Variants in KSR1 observed in about 807,000 individuals in gnomAD.
The protein encoded by KSR1 is kinase suppressor of ras 1.
In KSR1, 35 loss-of-function variants were observed where a neutral mutation model predicts 92.9. That is an observed-to-expected ratio of 0.38 (90% CI 0.29 to 0.50). KSR1 has a LOEUF of 0.50. Ranked by LOEUF, KSR1 falls within the 20% of genes least tolerant of loss-of-function variation. The pLI, the probability that KSR1 is intolerant of heterozygous loss-of-function variation, is 0.94. For synonymous variants in KSR1, 467 were observed against 472.6 expected (o/e 0.99, Z 0.15); for missense variants, 972 against 1,158.5 (o/e 0.84, Z 2.34).
Position 27,508,709 on chromosome 17 carries a change from T to TTTTTTTTTA in KSR1, c.232-41856_232-41855insTTTTTATTT, listed in dbSNP as rs1555572323. 3.2e-4 allele frequency among the ~76,000 whole-genome samples: 44 copies of TTTTTTTTTA among 138,326 alleles called. 1 individual carries two copies. Among genetic ancestry groups the TTTTTTTTTA allele is most frequent in the African/African-American group, 1.1e-3 (41 of 36,560 alleles). The allele number at this position is 138,326 out of a possible 152,430, so 90.7% of individuals were successfully genotyped here. A position where few individuals can be genotyped will look rare whatever the true frequency, so the allele number is the denominator to read the frequency against. ...TTTCCTAGGTTTGGGCCTGAATTTT[T>TTTTTTTTTA]TTTATTTATTTATTTATTTATTTAT... On this transcript the variant is annotated intron_variant, in intron 1 of 20. Coordinates refer to ENST00000644974, the MANE Select transcript of KSR1 (RefSeq NM_001394583.1).
intron 1 of KSR1, among the ~76,000 whole-genome samples, chr17:27,487,291 C>G (rs1410961302): frequency 6.6e-6 from 1 of 151,676 alleles, no homozygotes; most frequent in African/African-American, 2.4e-5. Context: ...AAAAATTAGC[C>G]AGGTGTGATA....
intron 2 of KSR1, among the ~76,000 whole-genome samples, chr17:27,555,917 A>G (rs1310254190): frequency 2.6e-5 from 4 of 152,116 alleles, no homozygotes; most frequent in Non-Finnish European, 5.9e-5. Context: ...GCTGCATCCC[A>G]TTTCCCTGAA....
At chr17:27,563,321 T>A (rs1345196296) in intron 2 of KSR1, among the ~76,000 whole-genome samples, 3 of 152,120 alleles carry the variant, frequency 2.0e-5, no homozygotes, top group Non-Finnish European at 4.4e-5. Flanking sequence ...TGGAGTGTAG[T>A]GGTGCAATCA....
intron 1 of KSR1, among the ~76,000 whole-genome samples, chr17:27,547,836 C>T (rs2050418702): frequency 6.6e-6 from 1 of 152,140 alleles, no homozygotes; most frequent in Admixed American, 6.5e-5. Context: ...CCTCAGCCTC[C>T]CGAGTAGCTG....
Position 27,459,455 on chromosome 17 carries a change from C to T in KSR1, c.231+2581C>T, listed in dbSNP as rs1290604652. Among the ~76,000 whole-genome samples, 2 of 152,346 alleles carry T rather than the reference C, an allele frequency of 1.3e-5. No homozygotes were observed. The highest frequency in any genetic ancestry group is 1.3e-4 in the Admixed American group (2 of 15,302). ...TCTCATTTCATACAGGTGGGTGACA[C>T]AAGCCAGGAAACAATCTCAGCAAGC... On this transcript the variant is annotated intron_variant, in intron 1 of 20. Transcript: ENST00000644974. This position sits in a 1 kb window ranked among gnomAD's most constrained non-coding sequence, Gnocchi z 4.6.
chr17:27,591,186 A>G (rs1476547891), intron 7 of KSR1, among the ~76,000 whole-genome samples: 1 of 152,182 alleles, frequency 6.6e-6, no homozygotes, highest in Non-Finnish European at 1.5e-5. Flanking sequence ...ACCTGTAAGG[A>G]GTTCTGAAGT....
chr17:27,613,324 A>G (rs2073970853), intron 18 of KSR1: 1 of 152,326 alleles, frequency 6.6e-6, no homozygotes, highest in African/African-American at 2.4e-5. Flanking sequence ...GCTCAGCTAA[A>G]ATCCAGGTTC....
At chr17:27,617,520 G>T (rs182210634) in intron 19 of KSR1, 92 bp downstream of exon 19, 92 of 1,458,978 alleles carry the variant, frequency 6.3e-5, no homozygotes, top group Non-Finnish European at 2.9e-5. Context: ...TTCTGCCCAA[G>T]ACTTTGTTTT....
At chr17:27,573,870 G>T (rs1043987783) in intron 2 of KSR1, among the ~76,000 whole-genome samples, 1 of 152,206 alleles carries the variant, frequency 6.6e-6, no homozygotes, top group Non-Finnish European at 1.5e-5. Flanking sequence ...TAGGCATATT[G>T]TTCTGGCAAA....
intron 1 of KSR1, among the ~76,000 whole-genome samples, chr17:27,547,984 A>G (rs1482334315): frequency 1.3e-5 from 2 of 152,136 alleles, no homozygotes; most frequent in East Asian, 3.9e-4. Flanking sequence ...AAGTGCTGGG[A>G]TTACAGGCGT....
chr17:27,490,466 C>A (rs2068788229), intron 1 of KSR1, among the ~76,000 whole-genome samples: 1 of 152,086 alleles, frequency 6.6e-6, no homozygotes, highest in African/African-American at 2.4e-5. Context: ...AGCAATCCCC[C>A]TTTTTTTCCC....
intron 1 of KSR1, chr17:27,526,827 C>T (rs2070321777): frequency 3.8e-6 from 3 of 796,006 alleles, no homozygotes; most frequent in Admixed American, 2.4e-5. Context: ...TTGGGCTCCT[C>T]CTCCGGGGGG....
Position 27,623,422 on chromosome 17 carries a change from C to G in KSR1, c.*30C>G, listed in dbSNP as rs752143033. 1.9e-5 allele frequency: 14 copies of G among 754,360 alleles called. No individual in the cohort carries two copies. The Admixed American group carries it at 2.4e-4, about 13-fold the overall frequency. The allele number at this position is 754,360 out of a possible 1,614,324, so 46.7% of individuals were successfully genotyped here. ...CCATATGGTTTTTCGCTGCTGATCT[C>G]TTTCTTTTTAAAATGTGTTTCTGAA... On this transcript the variant is annotated 3_prime_UTR_variant, in exon 21 of 21. Transcript: ENST00000644974.
chr17:27,538,923 A>G (rs1312512042), intron 1 of KSR1, among the ~76,000 whole-genome samples: 2 of 152,220 alleles, frequency 1.3e-5, no homozygotes, highest in Non-Finnish European at 2.9e-5. Flanking sequence ...ATCCCTGGAA[A>G]GAAAGCCCTC....
At chr17:27,548,250 A>G (rs537332359) in intron 1 of KSR1, among the ~76,000 whole-genome samples, 1 of 151,870 alleles carries the variant, frequency 6.6e-6, no homozygotes, top group East Asian at 1.9e-4. Flanking sequence ...AAAAAAGATA[A>G]AGATAAAAAA....
intron 2 of KSR1, among the ~76,000 whole-genome samples, chr17:27,556,264 G>T (rs899802068): frequency 1.3e-5 from 2 of 151,996 alleles, no homozygotes; most frequent in African/African-American, 4.8e-5. Context: ...GCCCAGGCTG[G>T]AGTGCAGTGA....
chr17:27,510,859 C>G (rs1232981383), intron 1 of KSR1, among the ~76,000 whole-genome samples: 1 of 152,206 alleles, frequency 6.6e-6, no homozygotes, highest in African/African-American at 2.4e-5. Context: ...CCCGCATTGC[C>G]TGCCAGGCAC....
chr17:27,493,675 C>G (rs1305261259), intron 1 of KSR1, among the ~76,000 whole-genome samples: 1 of 152,044 alleles, frequency 6.6e-6, no homozygotes, highest in Admixed American at 6.5e-5. Flanking sequence ...TCTGTGTTGT[C>G]GTGAGTGTAA....
chr17:27,619,547 G>A (rs578128203), intron 19 of KSR1, among the ~76,000 whole-genome samples: 41 of 151,270 alleles, frequency 2.7e-4, no homozygotes, highest in African/African-American at 9.0e-4. Flanking sequence ...ATAGGCGCAC[G>A]CTACCACACC....
Sources: allele counts gnomAD v4.1 joint callset (sites outside exome capture counted in the v4.1 genomes callset), GRCh38; gene constraint gnomAD v4.1.1; non-coding constraint Gnocchi (gnomAD v3.1); transcripts MANE v1.5; gene names NCBI Gene and HGNC (gene_info 2026-07-23, HGNC 2026-07-21).